The following PRKCE variants were observed in gnomAD, a reference collection of about 807,000 sequenced individuals.
PRKCE encodes the protein protein kinase C epsilon type.
In PRKCE, 16 loss-of-function variants were observed where a neutral mutation model predicts 85.4. The observed-to-expected ratio is 0.19, with a 90% CI of 0.13 to 0.28. The LOEUF is 0.28. PRKCE is among the 10% of genes least tolerant of loss of function. The pLI is 1.00. For synonymous variants in PRKCE, 388 were observed against 371.5 expected (o/e 1.04, Z -0.51); for missense variants, 573 against 975.2 (o/e 0.59, Z 5.49).
At chr2:45,750,450 G>T (rs1212124778) in intron 1 of PRKCE, among the ~76,000 whole-genome samples, 1 of 152,132 alleles carries the variant, frequency 6.6e-6, no homozygotes, top group African/African-American at 2.4e-5. Context: ...AAAATTTGCG[G>T]TCCCATTGCC....
intron 1 of PRKCE, among the ~76,000 whole-genome samples, chr2:45,829,058 G>A (rs1690187725): frequency 6.6e-6 from 1 of 151,724 alleles, no homozygotes; most frequent in Non-Finnish European, 1.5e-5. Context: ...GGTAGCTAAT[G>A]GTTTGAATAT....
intron 1 of PRKCE, among the ~76,000 whole-genome samples, chr2:45,829,890 G>A (rs1344656199): frequency 2.6e-5 from 4 of 151,624 alleles, no homozygotes; most frequent in African/African-American, 4.9e-5. Context: ...TGGCTAACAC[G>A]GTGAAACCCC....
At chr2:45,886,601 C>T (rs1166838640) in intron 2 of PRKCE, among the ~76,000 whole-genome samples, 1 of 152,208 alleles carries the variant, frequency 6.6e-6, no homozygotes, top group Non-Finnish European at 1.5e-5. Flanking sequence ...CACAAAAATA[C>T]AGCTGACGTG....
Position 45,786,883 on chromosome 2 carries a change from G to A in PRKCE, c.349-56117G>A, listed in dbSNP as rs776199691. ...AATCACATGGCAATAGTAGAGATGC[G>A]ATTCAAACCCTAGGGAATACGATTC... On this transcript the variant is annotated intron_variant, in intron 1 of 14. Transcript: ENST00000306156. This position sits in a 1 kb window ranked among gnomAD's most constrained non-coding sequence, Gnocchi z 5.3. Among the ~76,000 whole-genome samples, 1 of 152,202 alleles carries A rather than the reference G, an allele frequency of 6.6e-6. No homozygotes were observed. The highest frequency in any genetic ancestry group is 1.5e-5 in the Non-Finnish European group (1 of 68,038).
chr2:45,965,034 C>T (rs1164839994), intron 2 of PRKCE, among the ~76,000 whole-genome samples: 1 of 152,218 alleles, frequency 6.6e-6, no homozygotes, highest in Non-Finnish European at 1.5e-5. Flanking sequence ...CACCCGTTCT[C>T]TTCTGATTAG....
intron 10 of PRKCE, among the ~76,000 whole-genome samples, chr2:46,058,900 G>A (rs1666855535): frequency 6.6e-6 from 1 of 152,148 alleles, no homozygotes; most frequent in African/African-American, 2.4e-5. Context: ...ATCTTGCCGT[G>A]TGGCCCAGGC....
At chr2:45,892,275 A>G (rs1308429514) in intron 2 of PRKCE, among the ~76,000 whole-genome samples, 3 of 152,174 alleles carry the variant, frequency 2.0e-5, no homozygotes, top group African/African-American at 7.2e-5. Flanking sequence ...AAGCCCTTTC[A>G]TGTCCCATGC....
intron 14 of PRKCE, among the ~76,000 whole-genome samples, chr2:46,176,667 G>A (rs1212667954): frequency 6.6e-6 from 1 of 152,144 alleles, no homozygotes; most frequent in African/African-American, 2.4e-5. Context: ...TGAGCAAAAT[G>A]AAAACAGTGA....
At chr2:46,163,559 G>C (rs1463160659) in intron 14 of PRKCE, among the ~76,000 whole-genome samples, 11 of 106,946 alleles carry the variant, frequency 1.0e-4, no homozygotes, top group Non-Finnish European at 1.2e-4. Context: ...GCCACTAAGA[G>C]ACACAGGGAA....
At chr2:45,904,909 T>G (rs1696857519) in intron 2 of PRKCE, among the ~76,000 whole-genome samples, 1 of 151,312 alleles carries the variant, frequency 6.6e-6, no homozygotes, top group East Asian at 1.9e-4. Flanking sequence ...GGGGGAGGAG[T>G]CAGGGGAACC....
intron 1 of PRKCE, among the ~76,000 whole-genome samples, chr2:45,730,829 G>A (rs1681510162): frequency 6.6e-6 from 1 of 152,112 alleles, no homozygotes; most frequent in African/African-American, 2.4e-5. Context: ...TTCTCCCAAG[G>A]AAATTTCCAT....
intron 14 of PRKCE, among the ~76,000 whole-genome samples, chr2:46,169,499 T>C (rs1259261771): frequency 6.6e-6 from 1 of 152,072 alleles, no homozygotes; most frequent in African/African-American, 2.4e-5. Context: ...TGGAGATCAA[T>C]GGAGTATTTC....
At chr2:45,960,227 C>T (rs754867357) in intron 2 of PRKCE, among the ~76,000 whole-genome samples, 8 of 152,156 alleles carry the variant, frequency 5.3e-5, no homozygotes, top group Non-Finnish European at 1.2e-4. Flanking sequence ...GGGACCAAAT[C>T]GAACTCCACC....
intron 11 of PRKCE, among the ~76,000 whole-genome samples, chr2:46,135,484 C>A (rs1005990838): frequency 1.3e-5 from 2 of 152,096 alleles, no homozygotes; most frequent in Non-Finnish European, 2.9e-5. Context: ...AACAGTCTTA[C>A]CAGATTCACA....
At chr2:45,930,369 A>G (rs1054028716) in intron 2 of PRKCE, among the ~76,000 whole-genome samples, 1 of 152,240 alleles carries the variant, frequency 6.6e-6, no homozygotes, top group Non-Finnish European at 1.5e-5. Context: ...CTTGACCAAA[A>G]TTATATGATT....
At chr2:45,835,840 C>G (rs935477814) in intron 1 of PRKCE, among the ~76,000 whole-genome samples, 32 of 152,312 alleles carry the variant, frequency 2.1e-4, no homozygotes, top group African/African-American at 7.7e-4. Context: ...AGCGATCCTC[C>G]TGCCTCAGCT....
At chr2:45,972,226 C>T (rs749128972) in intron 2 of PRKCE, among the ~76,000 whole-genome samples, 24 of 152,140 alleles carry the variant, frequency 1.6e-4, no homozygotes, top group Non-Finnish European at 2.5e-4. Context: ...TGTAGAACAT[C>T]TTATTAAATA....
intron 14 of PRKCE, among the ~76,000 whole-genome samples, chr2:46,167,488 G>C (rs1021665177): frequency 7.2e-5 from 11 of 152,214 alleles, no homozygotes; most frequent in African/African-American, 2.4e-4. Flanking sequence ...CAGGAGTTCA[G>C]ATGAGGGGAT....
At chr2:45,684,794 C>T (rs757685262) in intron 1 of PRKCE, among the ~76,000 whole-genome samples, 4 of 152,150 alleles carry the variant, frequency 2.6e-5, no homozygotes, top group Admixed American at 6.5e-5. Flanking sequence ...GGGTAGTGTG[C>T]GCATCCAAGG....
Sources: allele counts gnomAD v4.1 joint callset (sites outside exome capture counted in the v4.1 genomes callset), GRCh38; gene constraint gnomAD v4.1.1; non-coding constraint Gnocchi (gnomAD v3.1); transcripts MANE v1.5; gene names NCBI Gene and HGNC (gene_info 2026-07-23, HGNC 2026-07-21).